The following COL28A1 variants were observed in gnomAD, a reference collection of about 807,000 sequenced individuals.
COL28A1 encodes collagen alpha-1(XXVIII) chain.
A neutral mutation model predicts 150.2 loss-of-function variants in COL28A1; 161 were observed. The ratio of observed to expected loss-of-function variants is 1.07; its 90% CI spans 0.94 to 1.22. The LOEUF (loss-of-function observed/expected upper bound fraction) is 1.22. Ranked by LOEUF, COL28A1 falls within the 50% of genes most tolerant of loss-of-function variation. The pLI is 0.00. For missense variants in COL28A1, 1,617 were observed against 1,388.3 expected, an observed-to-expected ratio of 1.16 and a Z score of -2.62; for synonymous variants, 552 against 469.7, an observed-to-expected ratio of 1.18 and a Z score of -2.26.
intron 27 of COL28A1, among the ~76,000 whole-genome samples, chr7:7,382,956 A>T (rs182853473): frequency 1.3e-5 from 2 of 152,136 alleles, no homozygotes; most frequent in Non-Finnish European, 2.9e-5. Flanking sequence ...GCACCTCAAC[A>T]TCCCTAAGCC....
intron 11 of COL28A1, among the ~76,000 whole-genome samples, chr7:7,501,002 G>A (rs760242955): frequency 2.0e-5 from 3 of 152,122 alleles, no homozygotes; most frequent in African/African-American, 4.8e-5. Context: ...TTGTCCATTT[G>A]GGATGAATGT....
intron 11 of COL28A1, among the ~76,000 whole-genome samples, chr7:7,499,997 T>C (rs1289990965): frequency 6.6e-6 from 1 of 152,228 alleles, no homozygotes; most frequent in South Asian, 2.1e-4. Context: ...ATGCCACTTT[T>C]AGAAGAAAGT....
intron 27 of COL28A1, among the ~76,000 whole-genome samples, chr7:7,388,374 G>T (rs990927593): frequency 3.3e-5 from 5 of 152,004 alleles, no homozygotes; most frequent in Middle Eastern, 3.2e-3. Context: ...AGTATTCCAT[G>T]GTGTATATTG....
chr7:7,511,078 A>T lies in COL28A1; in HGVS notation c.927+13T>A, dbSNP rs375968389. On this transcript the variant is annotated intron_variant, in intron 9 of 34. Transcript: ENST00000399429. ...GATCACAGCTGTAAGCAGTTTAAAA[A>T]CATGTTCCTTACCTTGTCACCTTTT... 9.9e-6 allele frequency: 16 copies of T among 1,611,536 alleles called. No homozygotes were observed. The African/African-American group carries it at 2.0e-4, about 20-fold the overall frequency.
At chr7:7,512,142 C>T (rs964375761) in intron 8 of COL28A1, among the ~76,000 whole-genome samples, 8 of 152,094 alleles carry the variant, frequency 5.3e-5, no homozygotes, top group African/African-American at 1.9e-4. Context: ...CATGATCTCA[C>T]TTATATGTGA....
At chr7:7,416,319 G>T (rs1356879056) in intron 27 of COL28A1, among the ~76,000 whole-genome samples, 3 of 152,200 alleles carry the variant, frequency 2.0e-5, no homozygotes, top group Non-Finnish European at 4.4e-5. Context: ...AGGAGAGGCA[G>T]GAAGCCAGAT....
intron 18 of COL28A1, among the ~76,000 whole-genome samples, chr7:7,451,208 T>C (rs1223882989): frequency 6.6e-6 from 1 of 152,028 alleles, no homozygotes; most frequent in Non-Finnish European, 1.5e-5. Context: ...ATTCTCTGTA[T>C]GGTGAGTATA....
chr7:7,523,463 T>G (rs529915403), intron 4 of COL28A1, among the ~76,000 whole-genome samples: 13 of 152,170 alleles, frequency 8.5e-5, no homozygotes, highest in South Asian at 4.2e-4. Context: ...TGGCCGTTTT[T>G]TTTTTCCTTT....
chr7:7,451,445 C>T (rs1019880470), intron 18 of COL28A1, among the ~76,000 whole-genome samples: 1 of 151,950 alleles, frequency 6.6e-6, no homozygotes. Flanking sequence ...AGGATGGTCT[C>T]GATCTCTCGA....
intron 9 of COL28A1, among the ~76,000 whole-genome samples, chr7:7,507,616 T>C (rs75792556): frequency 0.063 from 9,609 of 152,240 alleles, 304 homozygotes; most frequent in Middle Eastern, 0.15. Context: ...ACTCTTCTAA[T>C]AGAAAATATT....
chr7:7,399,395 C>G (rs1374881967), intron 27 of COL28A1, among the ~76,000 whole-genome samples: 1 of 152,162 alleles, frequency 6.6e-6, no homozygotes, highest in African/African-American at 2.4e-5. Flanking sequence ...TCCTATCTGT[C>G]CTACTTATTA....
the COL28A1 span, among the ~76,000 whole-genome samples, chr7:7,339,646 T>C: frequency 6.6e-6 from 1 of 152,192 alleles, no homozygotes; most frequent in Non-Finnish European, 1.5e-5. Flanking sequence ...ATTCATTTTC[T>C]TGCATAAAAC....
chr7:7,385,338 C>A (rs1490926435), intron 27 of COL28A1, among the ~76,000 whole-genome samples: 1 of 152,152 alleles, frequency 6.6e-6, no homozygotes, highest in East Asian at 1.9e-4. Flanking sequence ...AGGGATAAGA[C>A]AGACTAAAGG....
At chr7:7,445,355 C>G (rs951725833) in intron 18 of COL28A1, among the ~76,000 whole-genome samples, 1 of 152,072 alleles carries the variant, frequency 6.6e-6, no homozygotes, top group Non-Finnish European at 1.5e-5. Flanking sequence ...TTGACAGACA[C>G]CCTGAGAAGC....
At chr7:7,519,893 T>A (rs1781617957) in intron 6 of COL28A1, among the ~76,000 whole-genome samples, 169 bp downstream of exon 6, 1 of 152,174 alleles carries the variant, frequency 6.6e-6, no homozygotes, top group African/African-American at 2.4e-5. Flanking sequence ...GAATTCAAGC[T>A]AATAGAAATA....
intron 27 of COL28A1, among the ~76,000 whole-genome samples, chr7:7,416,665 T>C (rs1172432255): frequency 6.6e-6 from 1 of 152,220 alleles, no homozygotes; most frequent in Non-Finnish European, 1.5e-5. Context: ...CATGCCTATT[T>C]GGCCTTTGCT....
intron 25 of COL28A1, among the ~76,000 whole-genome samples, chr7:7,425,768 C>G (rs1784616357): frequency 6.6e-6 from 1 of 152,102 alleles, no homozygotes; most frequent in Non-Finnish European, 1.5e-5. Context: ...GCATTATTAT[C>G]CCAAATCACA....
upstream of COL28A1, among the ~76,000 whole-genome samples, chr7:7,536,202 T>A (rs1427659621): frequency 6.6e-6 from 1 of 152,198 alleles, no homozygotes; most frequent in Non-Finnish European, 1.5e-5. Flanking sequence ...GACACCAGAC[T>A]CAGAATCAAA....
At chr7:7,391,670 G>A (rs1049256371) in intron 27 of COL28A1, among the ~76,000 whole-genome samples, 3 of 152,066 alleles carry the variant, frequency 2.0e-5, no homozygotes, top group Non-Finnish European at 4.4e-5. Context: ...CCTGTATTGG[G>A]TGCCTATATA....
Sources: gnomAD v4.1 joint callset for allele counts (sites outside exome capture counted in the v4.1 genomes callset) on GRCh38, gnomAD v4.1.1 for gene constraint, MANE v1.5 for transcripts, NCBI Gene and HGNC (gene_info 2026-07-23, HGNC 2026-07-21) for gene names.